Variants in TAF3 observed in about 807,000 individuals in gnomAD.
The protein encoded by TAF3 is transcription initiation factor TFIID subunit 3.
A neutral mutation model predicts 80.6 loss-of-function variants in TAF3; 7 were observed. That is an observed-to-expected ratio of 0.09 (90% CI 0.05 to 0.16). TAF3 has a LOEUF of 0.16. Ranked by LOEUF, TAF3 falls within the 10% of genes least tolerant of loss-of-function variation. TAF3 has a pLI of 1.00. For synonymous variants in TAF3, 444 were observed against 446.1 expected (o/e 1.00, Z 0.06); for missense variants, 921 against 1,140.2 (o/e 0.81, Z 2.77).
At chr10:7,975,772 A>G (rs1831666475) in intron 3 of TAF3, among the ~76,000 whole-genome samples, 2 of 152,362 alleles carry the variant, frequency 1.3e-5, no homozygotes, top group South Asian at 4.1e-4. Flanking sequence ...ATCTACATGT[A>G]CTATATTAAC....
chr10:7,881,170 A>C (rs997708476), intron 2 of TAF3, among the ~76,000 whole-genome samples: 1 of 148,626 alleles, frequency 6.7e-6, no homozygotes, highest in African/African-American at 2.5e-5. Flanking sequence ...CAGCAGGTCA[A>C]GATTGCAGTG....
At chr10:7,942,386 C>T (rs555531052) in intron 2 of TAF3, among the ~76,000 whole-genome samples, 1 of 152,130 alleles carries the variant, frequency 6.6e-6, no homozygotes, top group Admixed American at 6.5e-5. Context: ...TCTGGTAGTT[C>T]AGGTTTTTTT....
At chr10:7,822,020 G>A (rs144391685) in intron 1 of TAF3, among the ~76,000 whole-genome samples, 21 of 152,272 alleles carry the variant, frequency 1.4e-4, no homozygotes, top group Admixed American at 2.6e-4. Context: ...AACAGAGTGA[G>A]ATCAGGTTAT....
At chr10:7,821,286 C>A (rs1836688077) in intron 1 of TAF3, among the ~76,000 whole-genome samples, 2 of 152,176 alleles carry the variant, frequency 1.3e-5, no homozygotes, top group East Asian at 3.9e-4. Flanking sequence ...TCTATACCAG[C>A]CTTATTCTAA....
At chr10:8,006,821 C>T (rs1831998432) in intron 4 of TAF3, among the ~76,000 whole-genome samples, 1 of 152,156 alleles carries the variant, frequency 6.6e-6, no homozygotes, top group African/African-American at 2.4e-5. Context: ...GAGCAACAGC[C>T]GTGAACATGG....
At chr10:7,915,089 T>C (rs953594324) in intron 2 of TAF3, among the ~76,000 whole-genome samples, 3 of 151,654 alleles carry the variant, frequency 2.0e-5, no homozygotes, top group African/African-American at 7.3e-5. Context: ...TACAGGTGCC[T>C]GCCACCACGC....
At chr10:7,946,057 G>A (rs1309646811) in intron 2 of TAF3, among the ~76,000 whole-genome samples, 1 of 152,168 alleles carries the variant, frequency 6.6e-6, no homozygotes, top group Non-Finnish European at 1.5e-5. Context: ...GGCCTCCTCT[G>A]TGGGGCTGAA....
At chr10:7,933,255 C>T (rs1388115323) in intron 2 of TAF3, among the ~76,000 whole-genome samples, 1 of 152,112 alleles carries the variant, frequency 6.6e-6, no homozygotes, top group Non-Finnish European at 1.5e-5. Context: ...AATGTCAGCT[C>T]ACTGAACATA....
At chr10:7,855,073 G>T (rs903207311) in intron 2 of TAF3, among the ~76,000 whole-genome samples, 1 of 152,130 alleles carries the variant, frequency 6.6e-6, no homozygotes, top group Non-Finnish European at 1.5e-5. Flanking sequence ...AAAGGCAAGA[G>T]TAACCCATTT....
rs12767920 is a variant in TAF3, at chr10:8,009,996, C to T, written c.2568+666C>T. Among the ~76,000 whole-genome samples the T allele has an allele frequency of 0.061, 9,247 of 152,086 alleles. 351 individuals carry two copies. Among genetic ancestry groups the T allele is most frequent in the South Asian group, 0.14 (655 of 4,818 alleles). ...GTACGATCTCGGCTCACTGCAGCCCCTGCCTCCCAGGCTCAAGCGATCCTC... is the reference window on the plus strand; with the variant it reads ...GTACGATCTCGGCTCACTGCAGCCCTTGCCTCCCAGGCTCAAGCGATCCTC... On this transcript the variant is annotated intron_variant, in intron 5 of 6. Transcript: ENST00000344293. This position sits in a 1 kb window ranked among gnomAD's most constrained non-coding sequence, Gnocchi z 4.1.
At chr10:7,915,642 CAAAA>C (rs546868294) in intron 2 of TAF3, among the ~76,000 whole-genome samples, 2 of 78,016 alleles carry the variant, frequency 2.6e-5, no homozygotes, top group Admixed American at 1.5e-4. Flanking sequence ...AACTCCGTCT[CAAAA>C]AAAAAAAAAA....
Position 7,964,146 on chromosome 10 carries a change from T to C in TAF3, c.636T>C (p.Ala212=), listed in dbSNP as rs1016824051. 1.2e-6 allele frequency: 2 copies of C among 1,614,088 alleles called. No homozygotes were observed. The highest frequency in any genetic ancestry group is 8.5e-7 in the Non-Finnish European group (1 of 1,180,030). Residue 212 remains alanine, a synonymous_variant, in exon 3 of 7, where the codon GCT becomes GCC. Transcript: ENST00000344293. This position sits in a 1 kb window ranked among gnomAD's most constrained non-coding sequence, Gnocchi z 4.1. ...CGCTAGATGTTGTGTTATTGGAAGC[T>C]CGAGAGCCACTCAGCTCAATAAATA... ...GDTLDVVLLE[A]REPLSSINTQ...
intron 2 of TAF3, among the ~76,000 whole-genome samples, chr10:7,881,064 C>T (rs1318858275): frequency 6.6e-6 from 1 of 151,942 alleles, no homozygotes; most frequent in Non-Finnish European, 1.5e-5. Context: ...GGGGAAGCCC[C>T]GTCTCTACAA....
rs1191199790 is a variant in TAF3 at position 7,818,775 on chromosome 10, C to G, written c.66C>G (p.Gly22=). ...TGGCGCAGATCTGCCAGGCGCTGGG[C>G]TGGGACTCGGTGCAGCTCAGCGCCT... ...VSVAQICQAL[G]WDSVQLSACH... is the part of the protein sequence containing the mutation. The change falls in exon 1 of 7, where the codon GGC becomes GGG. Residue 22 remains glycine, a synonymous_variant. Coordinates refer to ENST00000344293, the MANE Select transcript of TAF3 (RefSeq NM_031923.4). The G allele has an allele frequency of 6.3e-7, 1 of 1,594,992 alleles. No homozygotes were observed. The highest frequency in any genetic ancestry group is 2.3e-5 in the East Asian group (1 of 44,208).
At chr10:7,970,101 A>G (rs1413745261) in intron 3 of TAF3, among the ~76,000 whole-genome samples, 1 of 152,254 alleles carries the variant, frequency 6.6e-6, no homozygotes, top group African/African-American at 2.4e-5. Context: ...GAGGACTACA[A>G]CAGTTCCTGA....
At chr10:7,884,508 T>C (rs1267074838) in intron 2 of TAF3, among the ~76,000 whole-genome samples, 1 of 151,020 alleles carries the variant, frequency 6.6e-6, no homozygotes, top group Non-Finnish European at 1.5e-5. Context: ...TGTCTCAGCC[T>C]CCCGAGTAGC....
In TAF3 at chr10:7,836,099, C is replaced by T. The variant is rs151336254; in HGVS notation, c.409+11539C>T. Among the ~76,000 whole-genome samples, 38 of 152,234 alleles carry T rather than the reference C, an allele frequency of 2.5e-4. No individual in the cohort carries two copies. In the East Asian group the frequency reaches 6.8e-3, roughly 27 times the overall value. ...TTCCCTGGCTCTCCTACTGCTAAAA[C>T]ATTGGTGCTTCTAAAATTTTATCCT... On this transcript the variant is annotated intron_variant, in intron 2 of 6. Coordinates refer to ENST00000344293, the MANE Select transcript of TAF3 (RefSeq NM_031923.4).
chr10:8,015,922 T>C lies in TAF3; in HGVS notation c.*1171T>C, dbSNP rs952934633. 3.3e-5 allele frequency: 5 copies of C among 151,998 alleles called. No homozygotes were observed. Among genetic ancestry groups the C allele is most frequent in the African/African-American group, 7.2e-5 (3 of 41,384 alleles). 9.4% of individuals were successfully genotyped at this position (151,998 alleles called of 1,614,324 possible). A position where few individuals can be genotyped will look rare whatever the true frequency, so the allele number is the denominator to read the frequency against. ...TTTTGTCTTTATATTGTTTTATTTC[T>C]ACAAATCTGTTCATTAATATTGTGC... On this transcript the variant is annotated 3_prime_UTR_variant, in exon 7 of 7. Transcript: ENST00000344293.
At chr10:7,988,820 A>AT (rs1006958343) in intron 4 of TAF3, among the ~76,000 whole-genome samples, 374 of 145,380 alleles carry the variant, frequency 2.6e-3, no homozygotes, top group African/African-American at 9.1e-3. Context: ...TTATTTATTT[A>AT]TTTTTTTATA....
Sources: allele counts gnomAD v4.1 joint callset (sites outside exome capture counted in the v4.1 genomes callset), GRCh38; gene constraint gnomAD v4.1.1; non-coding constraint Gnocchi (gnomAD v3.1); transcripts MANE v1.5; gene names NCBI Gene and HGNC (gene_info 2026-07-23, HGNC 2026-07-21).